CUX1: variants seen among roughly 807,000 people sequenced by gnomAD.
CUX1 encodes the protein protein CASP.
CUX1 carries 31 observed loss-of-function variants against 158.8 expected under a neutral mutation model. That is an observed-to-expected ratio of 0.20 (90% confidence interval 0.15 to 0.26). The LOEUF is 0.26. CUX1 is among the 10% of genes least tolerant of loss of function. The probability of loss-of-function intolerance (pLI) is 1.00; values close to 1 mark genes in which losing one functional copy is unlikely to be tolerated. For synonymous variants in CUX1, 879 were observed against 862.1 expected (o/e 1.02, Z -0.34); for missense variants, 1,589 against 2,014.6 (o/e 0.79, Z 4.04).
intron 20 of CUX1, among the ~76,000 whole-genome samples, chr7:102,211,024 T>G (rs1390644994): frequency 1.3e-5 from 2 of 152,166 alleles, no homozygotes; most frequent in African/African-American, 4.8e-5. Context: ...TAAAGCAGTG[T>G]CCTTGATAAG....
At chr7:102,100,135 A>C (rs1178798168) in intron 5 of CUX1, among the ~76,000 whole-genome samples, 2 of 152,068 alleles carry the variant, frequency 1.3e-5, no homozygotes, top group Non-Finnish European at 2.9e-5. Flanking sequence ...CAAAAATTAC[A>C]GGCATGGTTG....
chr7:102,081,608 C>A lies in CUX1; in HGVS notation c.268+11191C>A, dbSNP rs1827423751. The stretch of plus-strand genomic sequence containing the variant: ...ACTGTGATTCCATTAAACCCCTTTG[C>A]TTTATAAATTACGCAGTCTCAGGTA... On this transcript the variant is annotated intron_variant, in intron 4 of 23. Coordinates refer to ENST00000292535, the MANE Select transcript of CUX1 (RefSeq NM_181552.4). Among the ~76,000 whole-genome samples, 3 of 147,044 alleles carry A rather than the reference C, an allele frequency of 2.0e-5. No individual in the cohort carries two copies. The South Asian group carries it at 6.6e-4, about 32-fold the overall frequency.
intron 3 of CUX1, among the ~76,000 whole-genome samples, chr7:102,065,641 C>G (rs920114586): frequency 6.6e-6 from 1 of 152,172 alleles, no homozygotes; most frequent in Non-Finnish European, 1.5e-5. Context: ...CAGGACTGGG[C>G]TGGAATTTCC....
rs562921170 is a variant in CUX1, at chr7:102,007,980, G to GGT, written c.142-20116_142-20115dup. 2.1e-3 allele frequency among the ~76,000 whole-genome samples: 315 copies of GGT among 152,180 alleles called. 1 individual carries two copies. The highest frequency in any genetic ancestry group is 7.2e-3 in the African/African-American group (297 of 41,524). ...GGCTGGTCTCGAACTCCTGACCTCA[G>GGT]GTGATCTACCTGCCTTGGCCTCCCA... On this transcript the variant is annotated intron_variant, in intron 2 of 23. Coordinates refer to ENST00000292535, the MANE Select transcript of CUX1 (RefSeq NM_181552.4).
chr7:102,158,556 C>G lies in CUX1; in HGVS notation c.675-4C>G. On this transcript the variant is annotated splice_region_variant and splice_polypyrimidine_tract_variant and intron_variant, in intron 8 of 23. Coordinates refer to ENST00000292535, the MANE Select transcript of CUX1 (RefSeq NM_181552.4). ...AACCTGCTCTCTCCCTCTCACCCTC[C>G]TAGGGCCGACGAGATTGAAATGATC... 1.2e-6 allele frequency: 2 copies of G among 1,614,036 alleles called. No individual in the cohort carries two copies. The highest frequency in any genetic ancestry group is 2.7e-5 in the African/African-American group (2 of 75,006).
chr7:102,195,628 G>T, intron 14 of CUX1, 25 bp downstream of exon 14: 2 of 1,579,962 alleles, frequency 1.3e-6, no homozygotes, highest in Non-Finnish European at 8.6e-7. Flanking sequence ...CTTCGCGCGT[G>T]TGCGGTGGTT....
chr7:102,111,650 A>G (rs781959774), intron 6 of CUX1, 48 bp from the exon 7 acceptor site: 2 of 1,560,284 alleles, frequency 1.3e-6, no homozygotes, highest in Admixed American at 1.7e-5. Context: ...CGTGCATTTC[A>G]GTTGGTAAAG....
At chr7:101,957,873 A>G (rs531044666) in intron 2 of CUX1, among the ~76,000 whole-genome samples, 47 of 152,302 alleles carry the variant, frequency 3.1e-4, no homozygotes, top group African/African-American at 1.1e-3. Flanking sequence ...TTAAACGGAA[A>G]CAGTGGTTAA....
chr7:102,047,373 A>G (rs1822936693), intron 3 of CUX1, among the ~76,000 whole-genome samples: 2 of 151,704 alleles, frequency 1.3e-5, no homozygotes, highest in South Asian at 4.2e-4. Context: ...AGATGGATGG[A>G]TGATTGGATA....
rs1411567143 is a variant in CUX1 at position 102,194,098 on chromosome 7, AG to A, written c.1125+210del. The A allele has an allele frequency of 4.8e-6, 3 of 622,400 alleles. No homozygotes were observed. The African/African-American group carries it at 5.5e-5, about 12-fold the overall frequency. 38.6% of individuals were successfully genotyped at this position (622,400 alleles called of 1,614,324 possible). ...TTTCCATGTGTCCAAGGCATGAACC[AG>A]GCATAGATCAAAAGCCAAGCTGGGG... On this transcript the variant is annotated intron_variant, in intron 13 of 23. Transcript: ENST00000292535.
chr7:101,956,293 G>A (rs552100421), intron 2 of CUX1, among the ~76,000 whole-genome samples: 17 of 152,210 alleles, frequency 1.1e-4, no homozygotes, highest in African/African-American at 3.6e-4. Context: ...CGGCCTCTCC[G>A]GATGCCAAGC....
chr7:102,097,271 T>C, intron 4 of CUX1, 93 bp from the exon 5 acceptor site: 1 of 1,451,930 alleles, frequency 6.9e-7, no homozygotes, highest in Non-Finnish European at 9.2e-7. Context: ...CCGGAGCTGA[T>C]GTCCCAGGAG....
At chr7:101,967,580 C>T (rs895214172) in intron 2 of CUX1, among the ~76,000 whole-genome samples, 8 of 152,130 alleles carry the variant, frequency 5.3e-5, no homozygotes, top group Non-Finnish European at 7.3e-5. Flanking sequence ...TTGCTGAGCC[C>T]GGGCATGTAT....
chr7:101,951,331 A>C (rs2129156722), intron 2 of CUX1, among the ~76,000 whole-genome samples: 1 of 144,062 alleles, frequency 6.9e-6, no homozygotes, highest in South Asian at 2.2e-4. Context: ...ACACTGTCTC[A>C]AAAAAAAAAA....
At chr7:102,038,063 G>C (rs1585371074) in intron 3 of CUX1, among the ~76,000 whole-genome samples, 3 of 138,426 alleles carry the variant, frequency 2.2e-5, no homozygotes, top group Middle Eastern at 3.8e-3. Flanking sequence ...AAAAAAAAAA[G>C]CAGAAAGATA....
chr7:101,952,969 G>A (rs1423976931), intron 2 of CUX1, among the ~76,000 whole-genome samples: 2 of 152,176 alleles, frequency 1.3e-5, no homozygotes, highest in Non-Finnish European at 2.9e-5. Flanking sequence ...AGACACCTCC[G>A]AAATGTGTGT....
chr7:101,956,726 C>G (rs866404290), intron 2 of CUX1, among the ~76,000 whole-genome samples: 1 of 152,182 alleles, frequency 6.6e-6, no homozygotes, highest in Non-Finnish European at 1.5e-5. Context: ...GCGGGCAGTG[C>G]GGGTTGAGTG....
intron 2 of CUX1, among the ~76,000 whole-genome samples, chr7:102,017,980 G>A (rs923096973): frequency 1.3e-5 from 2 of 152,146 alleles, no homozygotes; most frequent in Non-Finnish European, 2.9e-5. Flanking sequence ...TTTTTGAGAT[G>A]AAGTCTTGCT....
chr7:102,107,592 G>A (rs781825233), intron 6 of CUX1, among the ~76,000 whole-genome samples: 16 of 151,762 alleles, frequency 1.1e-4, no homozygotes, highest in South Asian at 2.1e-4. Flanking sequence ...CCGCCCACCC[G>A]GGGCCCTCCC....
Sources: gnomAD v4.1 joint callset for allele counts (sites outside exome capture counted in the v4.1 genomes callset) on GRCh38, gnomAD v4.1.1 for gene constraint, MANE v1.5 for transcripts, NCBI Gene and HGNC (gene_info 2026-07-23, HGNC 2026-07-21) for gene names.